SLC24A2: variants seen among roughly 807,000 people sequenced by gnomAD.
The protein encoded by SLC24A2 is solute carrier family 24 member 2.
In SLC24A2, 36 loss-of-function variants were observed where a neutral mutation model predicts 62.0. That is an observed-to-expected ratio of 0.58 (90% confidence interval 0.44 to 0.77). SLC24A2 has a LOEUF of 0.77. SLC24A2 is among the 30% of genes least tolerant of loss of function. SLC24A2 has a pLI of 0.00. For missense variants in SLC24A2, 846 were observed against 817.9 expected (o/e 1.03, Z -0.42); for synonymous variants, 358 against 294.0 (o/e 1.22, Z -2.23).
At chr9:19,855,984 C>A in the SLC24A2 span, among the ~76,000 whole-genome samples, 1 of 151,656 alleles carries the variant, frequency 6.6e-6, no homozygotes, top group East Asian at 1.9e-4. Flanking sequence ...TTGTTTGTTC[C>A]TTTTCATTTT....
At chr9:20,082,560 C>G in the SLC24A2 span, among the ~76,000 whole-genome samples, 7 of 152,210 alleles carry the variant, frequency 4.6e-5, no homozygotes, top group Admixed American at 1.3e-4. Flanking sequence ...GTGGTTTTCT[C>G]TCTGCATGGC....
the SLC24A2 span, among the ~76,000 whole-genome samples, chr9:20,261,016 C>A: frequency 6.6e-6 from 1 of 151,788 alleles, no homozygotes; most frequent in Non-Finnish European, 1.5e-5. Context: ...CCACCACACC[C>A]GGCTAATTTT....
At chr9:19,541,658 T>G (rs1203427554) in intron 8 of SLC24A2, among the ~76,000 whole-genome samples, 1 of 148,250 alleles carries the variant, frequency 6.7e-6, no homozygotes, top group African/African-American at 2.5e-5. Context: ...GCTGTCTTTT[T>G]GTTTGTCTGT....
chr9:19,982,513 A>C, the SLC24A2 span, among the ~76,000 whole-genome samples: 1,836 of 152,318 alleles, frequency 0.012, 31 homozygotes, highest in African/African-American at 0.041. Context: ...TGGCTATAAA[A>C]GGAAGAATAG....
chr9:20,186,790 G>C, the SLC24A2 span, among the ~76,000 whole-genome samples: 5 of 152,166 alleles, frequency 3.3e-5, no homozygotes, highest in African/African-American at 1.2e-4. Context: ...CTGGCACAGA[G>C]TAAGTATTTA....
chr9:19,887,178 A>T, the SLC24A2 span, among the ~76,000 whole-genome samples: 1 of 152,300 alleles, frequency 6.6e-6, no homozygotes, highest in South Asian at 2.1e-4. Context: ...AAACCTGCAC[A>T]TTCTGCACAT....
At chr9:20,148,229 G>A in the SLC24A2 span, among the ~76,000 whole-genome samples, 4 of 151,822 alleles carry the variant, frequency 2.6e-5, no homozygotes, top group African/African-American at 4.8e-5. Context: ...CATATAATTG[G>A]AAATCTACAC....
Position 19,673,876 on chromosome 9 carries a change from T to C in SLC24A2, c.931-51577A>G, listed in dbSNP as rs187462052. Among the ~76,000 whole-genome samples the C allele has an allele frequency of 2.6e-5, 4 of 152,352 alleles. No individual in the cohort carries two copies. In the East Asian group the frequency reaches 7.7e-4, roughly 29 times the overall value. ...AGGCCATTTACACTCAATGCTAGTA[T>C]TGAGATGTGAGGTACTATTCTATTC... On this transcript the variant is annotated intron_variant, in intron 2 of 10. Transcript: ENST00000341998.
the SLC24A2 span, among the ~76,000 whole-genome samples, chr9:19,958,336 C>A: frequency 1.3e-5 from 2 of 152,174 alleles, no homozygotes; most frequent in African/African-American, 4.8e-5. Context: ...CAGATACTAA[C>A]GAGGAACACC....
the SLC24A2 span, among the ~76,000 whole-genome samples, chr9:20,066,075 T>C: frequency 6.6e-6 from 1 of 152,114 alleles, no homozygotes. Context: ...TGTAAGATCT[T>C]AGGGAAGAAA....
At chr9:19,897,192 G>A in the SLC24A2 span, among the ~76,000 whole-genome samples, 3 of 152,284 alleles carry the variant, frequency 2.0e-5, no homozygotes, top group Admixed American at 6.5e-5. Context: ...TTCCGTGTGA[G>A]TACAATGAAC....
chr9:19,941,361 C>T, the SLC24A2 span, among the ~76,000 whole-genome samples: 4 of 152,320 alleles, frequency 2.6e-5, no homozygotes, highest in East Asian at 7.7e-4. Context: ...TGACTCCAAG[C>T]TTGATGACAC....
At chr9:19,821,998 T>C in the SLC24A2 span, among the ~76,000 whole-genome samples, 10 of 152,256 alleles carry the variant, frequency 6.6e-5, no homozygotes, top group East Asian at 1.5e-3. Flanking sequence ...TGATATAGTG[T>C]GCAAGACATT....
Position 19,516,184 on chromosome 9 carries a change from T to C in SLC24A2, c.1955A>G (p.Asp652Gly). ...VFLVVSVLLE[D>G]RILTCPVSI ...GGAGACGGGGCATGTAAGAATTCTG[T>C]CTTCTAGGAGAACGCTCACCACCAG... The change falls in exon 11 of 11, where the codon GAC (aspartate) becomes GGC (glycine). Residue 652 changes from aspartate to glycine, a missense_variant. Physicochemically the swap from Asp to Gly is moderately conservative, Grantham distance 94. Coordinates refer to ENST00000341998, the MANE Select transcript of SLC24A2 (RefSeq NM_020344.4). 1 of 1,614,042 alleles carries C rather than the reference T, an allele frequency of 6.2e-7. No individual in the cohort carries two copies.
At chr9:20,288,498 G>T in the SLC24A2 span, among the ~76,000 whole-genome samples, 1 of 152,144 alleles carries the variant, frequency 6.6e-6, no homozygotes, top group Non-Finnish European at 1.5e-5. Flanking sequence ...GCCAGGTGCG[G>T]TGACTCATGC....
chr9:19,749,463 A>G (rs904800281), intron 2 of SLC24A2, among the ~76,000 whole-genome samples: 8 of 152,186 alleles, frequency 5.3e-5, no homozygotes, highest in African/African-American at 1.9e-4. Context: ...AGGGAGAACC[A>G]GAGCTCAGCC....
chr9:19,522,048 G>A (rs1178841575), intron 9 of SLC24A2, among the ~76,000 whole-genome samples: 1 of 152,018 alleles, frequency 6.6e-6, no homozygotes, highest in Non-Finnish European at 1.5e-5. Flanking sequence ...TTGCTCTGTT[G>A]CCCAGGCTAG....
rs143441134 is a variant in SLC24A2, at chr9:19,703,843, G to T, written c.931-81544C>A. Among the ~76,000 whole-genome samples the T allele has an allele frequency of 5.9e-5, 9 of 152,244 alleles. No individual in the cohort carries two copies. In the East Asian group the frequency reaches 1.7e-3, roughly 29 times the overall value. On this transcript the variant is annotated intron_variant, in intron 2 of 10. Coordinates refer to ENST00000341998, the MANE Select transcript of SLC24A2 (RefSeq NM_020344.4). ...GTATGTAATCATAGCACATAAGAATGAATCACTATTTTGTAATCCTTAAAA... is the reference window on the plus strand; with the variant it reads ...GTATGTAATCATAGCACATAAGAATTAATCACTATTTTGTAATCCTTAAAA...
chr9:19,989,508 G>C, the SLC24A2 span, among the ~76,000 whole-genome samples: 3 of 152,306 alleles, frequency 2.0e-5, 1 homozygote, highest in Middle Eastern at 6.8e-3. Context: ...ATAAGAGTTT[G>C]TTAAAGTGGA....
Sources: gnomAD v4.1 joint callset for allele counts (sites outside exome capture counted in the v4.1 genomes callset) on GRCh38, gnomAD v4.1.1 for gene constraint, MANE v1.5 for transcripts, NCBI Gene and HGNC (gene_info 2026-07-23, HGNC 2026-07-21) for gene names.